GRM5: variants seen among roughly 807,000 people sequenced by gnomAD.
GRM5 encodes glutamate metabotropic receptor 5.
In GRM5, 19 loss-of-function variants were observed where a neutral mutation model predicts 83.1. The ratio of observed to expected loss-of-function variants is 0.23; its 90% confidence interval spans 0.16 to 0.34. GRM5 has a LOEUF of 0.34. Among genes scored for constraint, GRM5 ranks in the 10% least tolerant of loss-of-function variants. The pLI is 1.00. For synonymous variants in GRM5, 675 were observed against 633.6 expected (o/e 1.07, Z -0.98); for missense variants, 1,160 against 1,588.3 (o/e 0.73, Z 4.58).
At chr11:88,980,605 C>A (rs1939489819) in intron 2 of GRM5, among the ~76,000 whole-genome samples, 1 of 151,966 alleles carries the variant, frequency 6.6e-6, no homozygotes, top group African/African-American at 2.4e-5. Flanking sequence ...GGTGGATCAC[C>A]AGGTCAGGAG....
intron 2 of GRM5, among the ~76,000 whole-genome samples, chr11:88,995,139 T>C (rs1401369021): frequency 1.3e-5 from 2 of 151,696 alleles, no homozygotes; most frequent in Non-Finnish European, 2.9e-5. Context: ...AATCATAGAG[T>C]AATTTGAGGA....
At chr11:89,004,165 T>C (rs1259493757) in intron 2 of GRM5, among the ~76,000 whole-genome samples, 2 of 132,694 alleles carry the variant, frequency 1.5e-5, no homozygotes, top group East Asian at 1.9e-4. Context: ...AAATGCTATG[T>C]TTTCAAATGA....
intron 4 of GRM5, among the ~76,000 whole-genome samples, chr11:88,650,093 G>A (rs1164773986): frequency 1.3e-5 from 2 of 151,712 alleles, no homozygotes; most frequent in Admixed American, 6.6e-5. Context: ...AATTTCTGTT[G>A]AAAACTCCAA....
rs1160195191 is a variant in GRM5, at chr11:88,714,334, C to T, written c.912-60931G>A. Reference sequence around the variant, plus strand: ...TTCTCAGTGAGCAGTAAAGGCATCCCTGATGTCAGGCATGCATAAAGGTGG... The same window carrying T: ...TTCTCAGTGAGCAGTAAAGGCATCCTTGATGTCAGGCATGCATAAAGGTGG... On this transcript the variant is annotated intron_variant, in intron 3 of 9. Transcript: ENST00000305447. Among the ~76,000 whole-genome samples, 7 of 151,876 alleles carry T rather than the reference C, an allele frequency of 4.6e-5. No homozygotes were observed. The East Asian group carries it at 9.7e-4, about 21-fold the overall frequency.
chr11:88,780,243 A>G (rs1942947651), intron 3 of GRM5, among the ~76,000 whole-genome samples: 1 of 152,120 alleles, frequency 6.6e-6, no homozygotes, highest in Non-Finnish European at 1.5e-5. Context: ...GCTTTATACT[A>G]CACTGTGCTG....
intron 9 of GRM5, 59 bp downstream of exon 9, chr11:88,525,249 GT>G: frequency 3.1e-6 from 3 of 968,172 alleles, no homozygotes; most frequent in Non-Finnish European, 5.0e-6. Context: ...GGAGCCACAT[GT>G]TCCTCTAGCT....
intron 1 of GRM5, among the ~76,000 whole-genome samples, chr11:89,049,558 AAAGTT>A (rs1242656346): frequency 1.3e-5 from 2 of 152,204 alleles, no homozygotes; most frequent in African/African-American, 4.8e-5. Context: ...AAATCTACAA[AAAGTT>A]AAGTCCAGAC....
intron 2 of GRM5, among the ~76,000 whole-genome samples, chr11:88,883,441 C>A (rs1422194701): frequency 6.6e-6 from 1 of 152,104 alleles, no homozygotes; most frequent in Non-Finnish European, 1.5e-5. Context: ...GTGGAACTTT[C>A]AACTTGAGAG....
At chr11:88,851,858 G>T (rs931504425) in intron 2 of GRM5, among the ~76,000 whole-genome samples, 1 of 152,182 alleles carries the variant, frequency 6.6e-6, no homozygotes, top group Non-Finnish European at 1.5e-5. Context: ...AGAAGCCTCT[G>T]TCATGATGGC....
intron 9 of GRM5, among the ~76,000 whole-genome samples, chr11:88,522,081 C>T (rs938811819): frequency 3.3e-5 from 5 of 152,162 alleles, no homozygotes; most frequent in African/African-American, 1.2e-4. Flanking sequence ...CTCCCCTTAA[C>T]CCCTCCCTGG....
intron 4 of GRM5, among the ~76,000 whole-genome samples, chr11:88,618,194 G>A (rs1235461232): frequency 6.6e-6 from 1 of 152,090 alleles, no homozygotes; most frequent in East Asian, 1.9e-4. Context: ...TAACCAGGTT[G>A]TTTGCCTATA....
intron 2 of GRM5, among the ~76,000 whole-genome samples, chr11:89,018,953 A>T (rs1445562333): frequency 6.6e-6 from 1 of 152,144 alleles, no homozygotes; most frequent in Non-Finnish European, 1.5e-5. Context: ...TTGATACATT[A>T]TTATTAACTA....
chr11:88,897,563 T>C (rs1395396337), intron 2 of GRM5, among the ~76,000 whole-genome samples: 2 of 151,846 alleles, frequency 1.3e-5, no homozygotes, highest in Admixed American at 6.6e-5. Flanking sequence ...AGGATCATTT[T>C]TGCCTCCTGA....
At chr11:88,550,603 A>T (rs2135146016) in intron 8 of GRM5, among the ~76,000 whole-genome samples, 1 of 152,304 alleles carries the variant, frequency 6.6e-6, no homozygotes, top group Non-Finnish European at 1.5e-5. Context: ...TATAATACAG[A>T]TGAGTACTTC....
At chr11:88,696,745 A>G (rs112604284) in intron 3 of GRM5, among the ~76,000 whole-genome samples, 158 of 152,340 alleles carry the variant, frequency 1.0e-3, no homozygotes, top group African/African-American at 3.6e-3. Flanking sequence ...AGATTAAATG[A>G]CATGAAGTAC....
At chr11:88,716,978 TAAAC>T (rs1941413558) in intron 3 of GRM5, among the ~76,000 whole-genome samples, 1 of 151,998 alleles carries the variant, frequency 6.6e-6, no homozygotes, top group South Asian at 2.1e-4. Flanking sequence ...TCAAGGGACT[TAAAC>T]TAATTATGAA....
At chr11:89,061,594 C>T (rs1478391654) in intron 1 of GRM5, among the ~76,000 whole-genome samples, 1 of 152,096 alleles carries the variant, frequency 6.6e-6, no homozygotes, top group Non-Finnish European at 1.5e-5. Flanking sequence ...ATCAAGTATT[C>T]CCAAAGTCTG....
intron 3 of GRM5, among the ~76,000 whole-genome samples, chr11:88,846,516 GTGC>G (rs1404657117): frequency 1.3e-5 from 2 of 152,224 alleles, no homozygotes; most frequent in Non-Finnish European, 2.9e-5. Flanking sequence ...ATGGTGAGAT[GTGC>G]TGATGGATGA....
intron 2 of GRM5, among the ~76,000 whole-genome samples, chr11:88,879,378 A>T (rs1944913228): frequency 6.6e-6 from 1 of 151,738 alleles, no homozygotes; most frequent in Non-Finnish European, 1.5e-5. Context: ...ACATTGGGAA[A>T]ATTTTAAATA....
Sources: gnomAD v4.1 joint callset for allele counts (sites outside exome capture counted in the v4.1 genomes callset) on GRCh38, gnomAD v4.1.1 for gene constraint, MANE v1.5 for transcripts, NCBI Gene and HGNC (gene_info 2026-07-23, HGNC 2026-07-21) for gene names.